Variants in DSC2 observed in about 807,000 individuals in gnomAD.
The protein encoded by DSC2 is desmocollin 2.
A neutral mutation model predicts 87.6 loss-of-function variants in DSC2; 51 were observed. That is an observed-to-expected ratio of 0.58 (90% confidence interval 0.46 to 0.74). The LOEUF (loss-of-function observed/expected upper bound fraction) is 0.74. Among genes scored for constraint, DSC2 ranks in the 30% least tolerant of loss-of-function variants. The probability of loss-of-function intolerance (pLI) is 0.00; values close to 1 mark genes in which losing one functional copy is unlikely to be tolerated. For missense variants in DSC2, 1,066 were observed against 1,089.5 expected (o/e 0.98, Z 0.30); for synonymous variants, 383 against 393.2 (o/e 0.97, Z 0.31).
rs1047783730 is a variant in DSC2, at chr18:31,065,504, T to C, written c.*2511A>G. ...CAGAAAGCTTAAGTGACTTCTCAAA[T>C]CCCACAGCTAGTAAGGATAGAGCCG... On this transcript the variant is annotated 3_prime_UTR_variant, in exon 16 of 16. Transcript: ENST00000280904. 2.0e-5 allele frequency: 3 copies of C among 152,106 alleles called. No individual in the cohort carries two copies. Among genetic ancestry groups the C allele is most frequent in the Non-Finnish European group, 4.4e-5 (3 of 68,038 alleles). The allele number at this position is 152,106 out of a possible 1,614,324, so 9.4% of individuals were successfully genotyped here. A position where few individuals can be genotyped will look rare whatever the true frequency, so the allele number is the denominator to read the frequency against.
chr18:31,086,039 A>G (rs1987383860), intron 7 of DSC2, among the ~76,000 whole-genome samples: 1 of 152,148 alleles, frequency 6.6e-6, no homozygotes, highest in Non-Finnish European at 1.5e-5. Flanking sequence ...GAAAATGATT[A>G]ATAGAGAAAG....
In DSC2 at chr18:31,091,103, G is replaced by T; in HGVS notation, c.399C>A (p.Ala133=). ...RHTKEKVLRR[A]KRRWAPIPCS... is the part of the protein sequence containing the mutation. ...AAGGAATTGGAGCCCATCTTCTCTT[G>T]GCGCGCCTTAGAACTTTTTCTTTAG... Residue 133 remains alanine (A), a synonymous_variant, in exon 4 of 16, where the codon GCC becomes GCA. Coordinates refer to ENST00000280904, the MANE Select transcript of DSC2 (RefSeq NM_024422.6). 1 of 1,613,968 alleles carries T rather than the reference G, an allele frequency of 6.2e-7. No individual in the cohort carries two copies.
intron 11 of DSC2, among the ~76,000 whole-genome samples, chr18:31,076,116 T>C (rs1987008769): frequency 6.6e-6 from 1 of 152,118 alleles, no homozygotes; most frequent in Admixed American, 6.5e-5. Flanking sequence ...CCCTGTGCCA[T>C]CCACTGCCTG....
chr18:31,092,005 C>A (rs573588073), intron 3 of DSC2, 96 bp downstream of exon 3: 2 of 1,342,696 alleles, frequency 1.5e-6, no homozygotes, highest in African/African-American at 2.9e-5. Context: ...TTAAGCCAAA[C>A]TATACCATAT....
Position 31,089,701 on chromosome 18 carries a change from CTTAA to C in DSC2, c.475-111_475-108del, listed in dbSNP as rs141142926. On this transcript the variant is annotated intron_variant, in intron 4 of 15. Coordinates refer to ENST00000280904, the MANE Select transcript of DSC2 (RefSeq NM_024422.6). ...CATTTTATTAGTTTAAATAATTGCC[CTTAA>C]TTTATTATTATATATAAATTAAAAC... is the stretch of plus-strand genomic sequence containing the variant. The C allele has an allele frequency of 0.26, 280,204 of 1,062,968 alleles. 38,552 individuals are homozygous for C. The highest frequency in any genetic ancestry group is 0.37 in the Middle Eastern group (1,207 of 3,280). The allele number at this position is 1,062,968 out of a possible 1,614,324, so 65.8% of individuals were successfully genotyped here.
intron 7 of DSC2, among the ~76,000 whole-genome samples, chr18:31,086,172 T>A (rs1987388130): frequency 6.6e-6 from 1 of 152,182 alleles, no homozygotes; most frequent in Non-Finnish European, 1.5e-5. Context: ...AAATCAAGAT[T>A]TCTAGCAGTT....
chr18:31,087,777 G>A lies in DSC2; in HGVS notation c.667C>T (p.Pro223Ser), dbSNP rs762722282. ...AFATTPDGYT[P>S]ELPLPLIIKI... ...ATTATTAGGGGCAGTGGAAGTTCTGGAGTATACCCATCTGGAGTTGTTGCA... is the reference window on the plus strand; with the variant it reads ...ATTATTAGGGGCAGTGGAAGTTCTGAAGTATACCCATCTGGAGTTGTTGCA... Residue 223 changes from proline (P) to serine (S), a missense_variant, in exon 6 of 16, where the codon CCA becomes TCA. Transcript: ENST00000280904. The A allele has an allele frequency of 6.2e-7, 1 of 1,613,848 alleles. No individual in the cohort carries two copies. Among genetic ancestry groups the A allele is most frequent in the Middle Eastern group, 1.7e-4 (1 of 6,050 alleles).
intron 1 of DSC2, among the ~76,000 whole-genome samples, chr18:31,095,843 C>G (rs1177064742): frequency 1.3e-5 from 2 of 151,900 alleles, no homozygotes; most frequent in Admixed American, 1.3e-4. Flanking sequence ...GTGAGGTCAC[C>G]TGAAGAGCGG....
rs912124448 is a variant in DSC2, at chr18:31,089,484, C to T, written c.585G>A (p.Leu195=). The change falls in exon 5 of 16, where the codon TTG becomes TTA. Residue 195 remains leucine, a synonymous_variant. Coordinates refer to ENST00000280904, the MANE Select transcript of DSC2 (RefSeq NM_024422.6). ...CACGATCTACAGGACGAGTACAATA[C>T]AAGTTTCCAGTGTCTCTCTCCACAT... The part of the protein sequence containing the change: ...LFYVERDTGN[L]YCTRPVDREQ... 1.9e-6 allele frequency: 3 copies of T among 1,613,782 alleles called. No homozygotes were observed. Among genetic ancestry groups the T allele is most frequent in the African/African-American group, 1.3e-5 (1 of 74,878 alleles).
rs1468339690 is a variant in DSC2 at position 31,061,431 on chromosome 18, A to C, written c.*6584T>G. On this transcript the variant is annotated 3_prime_UTR_variant, in exon 16 of 16. Coordinates refer to ENST00000280904, the MANE Select transcript of DSC2 (RefSeq NM_024422.6). Reference sequence around the variant, plus strand: ...TGCCATTTCCCATGCACCAACTATCACTCCATACGGAGGCACATCAGTGAG... The same window carrying C: ...TGCCATTTCCCATGCACCAACTATCCCTCCATACGGAGGCACATCAGTGAG... The C allele has an allele frequency of 6.6e-6, 1 of 152,090 alleles. No homozygotes were observed. The highest frequency in any genetic ancestry group is 1.5e-5 in the Non-Finnish European group (1 of 68,036). 9.4% of individuals were successfully genotyped at this position (152,090 alleles called of 1,614,324 possible). A position where few individuals can be genotyped will look rare whatever the true frequency, so the allele number is the denominator to read the frequency against.
chr18:31,075,188 T>C (rs951465428), intron 11 of DSC2, among the ~76,000 whole-genome samples: 3 of 151,942 alleles, frequency 2.0e-5, no homozygotes, highest in Non-Finnish European at 4.4e-5. Flanking sequence ...AGGAAGAGAG[T>C]ATGAATGAGG....
chr18:31,068,269 A>C, intron 15 of DSC2, 57 bp from the exon 16 acceptor site: 1 of 1,612,778 alleles, frequency 6.2e-7, no homozygotes. Context: ...ACCAAAATTT[A>C]CTAACATAAA....
intron 4 of DSC2, 86 bp downstream of exon 4, chr18:31,090,942 C>T (rs1987572796): frequency 6.4e-7 from 1 of 1,561,104 alleles, no homozygotes. Flanking sequence ...TTATACACAA[C>T]TATTACAAAT....
In DSC2 at chr18:31,074,767, G is replaced by A. The variant is rs1241308233; in HGVS notation, c.1804C>T (p.Pro602Ser). The A allele has an allele frequency of 1.2e-6, 2 of 1,613,984 alleles. No individual in the cohort carries two copies. Residue 602 changes from proline (P) to serine (S), a missense_variant, in exon 12 of 16, where the codon CCT (proline) becomes TCT (serine). Physicochemically the swap from Pro to Ser is moderately conservative, Grantham distance 74 (BLOSUM62 -1). Transcript: ENST00000280904. ...AAGTCAAAGGGTGGGCCATGGATAG[G>A]CTCATCAGGATCAACCGCAACAATC... The part of the protein sequence containing the change: ...AEIVAVDPDE[P>S]IHGPPFDFSL...
In DSC2 at chr18:31,087,767, G is replaced by A; in HGVS notation, c.677C>T (p.Pro226Leu). The A allele has an allele frequency of 1.2e-6, 2 of 1,613,786 alleles. No homozygotes were observed. Among genetic ancestry groups the A allele is most frequent in the Non-Finnish European group, 8.5e-7 (1 of 1,179,800 alleles). ...TTPDGYTPELPLPLIIKIEDE... is the reference protein window; with the variant it reads ...TTPDGYTPELLLPLIIKIEDE... ...CTCTATTTTGATTATTAGGGGCAGT[G>A]GAAGTTCTGGAGTATACCCATCTGG... Residue 226 changes from proline to leucine, a missense_variant, in exon 6 of 16, where the codon CCA (proline) becomes CTA (leucine). Transcript: ENST00000280904.
At chr18:31,100,607 A>G (rs1987908880) in intron 1 of DSC2, among the ~76,000 whole-genome samples, 1 of 152,230 alleles carries the variant, frequency 6.6e-6, no homozygotes, top group Non-Finnish European at 1.5e-5. Flanking sequence ...CTCGAGAAAG[A>G]CATTCTAATA....
intron 11 of DSC2, among the ~76,000 whole-genome samples, chr18:31,078,586 C>A (rs1209528090): frequency 6.6e-6 from 1 of 151,668 alleles, no homozygotes; most frequent in Non-Finnish European, 1.5e-5. Context: ...TTGCCTTTGA[C>A]CAACAAGTAT....
At chr18:31,101,067 G>A (rs1413445879) in intron 1 of DSC2, among the ~76,000 whole-genome samples, 1 of 151,594 alleles carries the variant, frequency 6.6e-6, no homozygotes, top group Non-Finnish European at 1.5e-5. Flanking sequence ...AAAGAACCTG[G>A]GGCAAGGGGC....
intron 1 of DSC2, among the ~76,000 whole-genome samples, chr18:31,099,355 G>A (rs1471563036): frequency 6.6e-6 from 1 of 152,134 alleles, no homozygotes. Flanking sequence ...ACGGAGGTTA[G>A]GGGAAACAGG....
Sources: gnomAD v4.1 joint callset for allele counts (sites outside exome capture counted in the v4.1 genomes callset) on GRCh38, gnomAD v4.1.1 for gene constraint, MANE v1.5 for transcripts, NCBI Gene and HGNC (gene_info 2026-07-23, HGNC 2026-07-21) for gene names.